The following DNM2 variants were observed in gnomAD, a reference collection of about 807,000 sequenced individuals.
DNM2 encodes the protein dynamin-2.
In DNM2, 15 loss-of-function variants were observed where a neutral mutation model predicts 99.0. The ratio of observed to expected loss-of-function variants is 0.15; its 90% CI spans 0.10 to 0.23. DNM2 has a LOEUF of 0.23. Among genes scored for constraint, DNM2 ranks in the 10% least tolerant of loss-of-function variants. DNM2 has a pLI of 1.00. For missense variants in DNM2, 742 were observed against 1,189.4 expected, an observed-to-expected ratio of 0.62 and a Z score of 5.53; for synonymous variants, 525 against 481.2, an observed-to-expected ratio of 1.09 and a Z score of -1.19.
chr19:10,759,586 G>T, intron 1 of DNM2, 152 bp from the exon 2 acceptor site: 1 of 880,624 alleles, frequency 1.1e-6, no homozygotes, highest in South Asian at 1.3e-5. Context: ...GACCCTCCAA[G>T]ACCAGAGCAT....
chr19:10,740,984 C>T (rs1227903244), intron 1 of DNM2, among the ~76,000 whole-genome samples: 2 of 152,154 alleles, frequency 1.3e-5, no homozygotes, highest in South Asian at 4.1e-4. Context: ...TGTTTTATGG[C>T]TTGGCCTCGA....
intron 1 of DNM2, among the ~76,000 whole-genome samples, chr19:10,746,043 C>G (rs1202984189): frequency 6.6e-6 from 1 of 152,232 alleles, no homozygotes; most frequent in Non-Finnish European, 1.5e-5. Context: ...ACTGCAACCT[C>G]TGCCTCCCAG....
Position 10,783,131 on chromosome 19 carries a change from G to T in DNM2, c.849+11G>T. The T allele has an allele frequency of 1.2e-6, 2 of 1,608,688 alleles. No individual in the cohort carries two copies. The highest frequency in any genetic ancestry group is 1.7e-6 in the Non-Finnish European group (2 of 1,180,012). On this transcript the variant is annotated intron_variant, in intron 6 of 20. Transcript: ENST00000389253. Reference sequence around the variant, plus strand: ...AAGACGCTGAATCAGGTACTGCAAGGGTTTGCACGTAGTGTGCAGTGGCAT... The same window carrying T: ...AAGACGCTGAATCAGGTACTGCAAGTGTTTGCACGTAGTGTGCAGTGGCAT...
chr19:10,756,772 G>A (rs4804524), intron 1 of DNM2, among the ~76,000 whole-genome samples: 98,475 of 151,682 alleles, frequency 0.65, 32,487 homozygotes, highest in African/African-American at 0.75. Context: ...TTCTCTATCC[G>A]GCCTGCCCTC....
In DNM2 at chr19:10,795,246, T is replaced by TAAA. The variant is rs1685880887; in HGVS notation, c.1129-126_1129-125insAAA. ...AGTTTTCAATTTTTTAAATAAAATT[T>TAAA]TGACGAGTTAAATATTCTGCCTTGT... is the stretch of plus-strand genomic sequence containing the variant. On this transcript the variant is annotated intron_variant, in intron 8 of 20. Transcript: ENST00000389253. The surrounding 1 kb of genome is among the most constrained non-coding windows in gnomAD (Gnocchi z 4.2). 10 of 893,708 alleles carry TAAA rather than the reference T, an allele frequency of 1.1e-5. No individual in the cohort carries two copies. In the Admixed American group the frequency reaches 1.7e-4, roughly 15 times the overall value. 55.4% of individuals were successfully genotyped at this position (893,708 alleles called of 1,614,324 possible).
At chr19:10,731,425 T>A (rs1200499661) in intron 1 of DNM2, among the ~76,000 whole-genome samples, 1 of 150,492 alleles carries the variant, frequency 6.6e-6, no homozygotes, top group Non-Finnish European at 1.5e-5. Flanking sequence ...TGATCTCAGC[T>A]CACTGCAACC....
rs566939521 is a variant in DNM2 at position 10,828,925 on chromosome 19, A to G, written c.2059-111A>G. On this transcript the variant is annotated intron_variant, in intron 18 of 20. Coordinates refer to ENST00000389253, the MANE Select transcript of DNM2 (RefSeq NM_001005361.3). ...GGGTGACAGAGCAAGACTCTTTTTCAAAAAAGTCTGGGGGTGGCCCCGCCC... is the reference window on the plus strand; with the variant it reads ...GGGTGACAGAGCAAGACTCTTTTTCGAAAAAGTCTGGGGGTGGCCCCGCCC... The G allele has an allele frequency of 2.0e-5, 24 of 1,178,980 alleles. No homozygotes were observed. In the South Asian group the frequency reaches 3.2e-4, roughly 16 times the overall value. The allele number at this position is 1,178,980 out of a possible 1,614,324, so 73.0% of individuals were successfully genotyped here.
chr19:10,797,627 C>T (rs1599573230), intron 10 of DNM2, 109 bp downstream of exon 10: 4 of 1,539,360 alleles, frequency 2.6e-6, no homozygotes, highest in Admixed American at 3.4e-5. Flanking sequence ...CCCCCTTCCG[C>T]CTACCAGTTG....
In DNM2 at chr19:10,793,673, G is replaced by A. The variant is rs745731246; in HGVS notation, c.993-47G>A. The A allele has an allele frequency of 4.3e-6, 7 of 1,614,052 alleles. No homozygotes were observed. The South Asian group carries it at 5.5e-5, about 13-fold the overall frequency. ...TGACTTGGAACATCATTCCAGAGTA[G>A]TGTGGAAACCTCCGTTTTGATGCTT... On this transcript the variant is annotated intron_variant, in intron 7 of 20. Transcript: ENST00000389253.
intron 1 of DNM2, among the ~76,000 whole-genome samples, chr19:10,728,936 C>A (rs1384975228): frequency 2.0e-5 from 3 of 147,920 alleles, no homozygotes; most frequent in Non-Finnish European, 3.0e-5. Flanking sequence ...GACAGCAAGA[C>A]CCGGTCTCAA....
At chr19:10,787,442 G>T (rs1251465851) in intron 7 of DNM2, among the ~76,000 whole-genome samples, 2 of 150,992 alleles carry the variant, frequency 1.3e-5, no homozygotes, top group African/African-American at 4.9e-5. Flanking sequence ...CTTCACTCCA[G>T]CCTGGGCATC....
Position 10,817,325 on chromosome 19 carries a change from T to G in DNM2, c.1672-2655T>G. On this transcript the variant is annotated intron_variant, in intron 15 of 20. Transcript: ENST00000389253. The surrounding 1 kb of genome is among the most constrained non-coding windows in gnomAD (Gnocchi z 4.6). ...CCCACCCAGGCCCTCGAATCTTCTA[T>G]GCGAGGCTCTGCCACAGTGGGAAAC... is the stretch of plus-strand genomic sequence containing the variant. The G allele has an allele frequency of 2.3e-6, 1 of 441,134 alleles. No individual in the cohort carries two copies. The highest frequency in any genetic ancestry group is 4.6e-6 in the Non-Finnish European group (1 of 216,830). The allele number at this position is 441,134 out of a possible 1,614,324, so 27.3% of individuals were successfully genotyped here.
chr19:10,819,515 T>C (rs1302526711), intron 15 of DNM2, among the ~76,000 whole-genome samples: 1 of 152,224 alleles, frequency 6.6e-6, no homozygotes, highest in Non-Finnish European at 1.5e-5. Context: ...GTCAGCCACA[T>C]GTCAGCAGTG....
chr19:10,775,811 G>A lies in DNM2; in HGVS notation c.494G>A (p.Ser165Asn), dbSNP rs1599529964. ...QIKDMILQFI[S>N]RESSLILAVT... is the part of the protein sequence containing the mutation. ...AAGGACATGATCCTGCAGTTCATCA[G>A]CCGGGAGAGCAGCCTCATTCTGGCT... is the stretch of plus-strand genomic sequence containing the variant. Residue 165 changes from serine (S) to asparagine (N), a missense_variant, in exon 4 of 21, where the codon AGC becomes AAC. By Grantham distance (46) the Ser-to-Asn change is conservative. Coordinates refer to ENST00000389253, the MANE Select transcript of DNM2 (RefSeq NM_001005361.3). This position sits in a 1 kb window ranked among gnomAD's most constrained non-coding sequence, Gnocchi z 4.3. 6.2e-7 allele frequency: 1 copy of A among 1,614,032 alleles called. No individual in the cohort carries two copies. The highest frequency in any genetic ancestry group is 8.5e-7 in the Non-Finnish European group (1 of 1,180,054).
intron 7 of DNM2, among the ~76,000 whole-genome samples, chr19:10,787,094 G>T (rs1053003939): frequency 2.0e-5 from 3 of 152,172 alleles, no homozygotes; most frequent in African/African-American, 7.2e-5. Flanking sequence ...AGCACTTTGG[G>T]AGGCCAAGGT....
intron 3 of DNM2, among the ~76,000 whole-genome samples, chr19:10,773,855 G>A (rs188780134): frequency 3.3e-5 from 5 of 151,884 alleles, no homozygotes; most frequent in Admixed American, 1.3e-4. Context: ...TCAGGTGATC[G>A]CCTGCATCCC....
At chr19:10,718,674 G>T (rs1255176736) in intron 1 of DNM2, 4 of 320,618 alleles carry the variant, frequency 1.2e-5, no homozygotes, top group Non-Finnish European at 2.2e-5. Context: ...GGTCCATCTG[G>T]TCCCAGCTTT....
At position 10,735,354 on chromosome 19, in the gene DNM2, A is replaced by G. The variant is rs191056543; in HGVS notation, c.161+16951A>G. ...CGTCCAGCCATCTTCTGTGAATCTT[A>G]TCAGGAGTATAGGATACCAACAAGA... On this transcript the variant is annotated intron_variant, in intron 1 of 20. Coordinates refer to ENST00000389253, the MANE Select transcript of DNM2 (RefSeq NM_001005361.3). Among the ~76,000 whole-genome samples, 2 of 152,198 alleles carry G rather than the reference A, an allele frequency of 1.3e-5. 1 individual carries two copies. Among genetic ancestry groups the G allele is most frequent in the Admixed American group, 1.3e-4 (2 of 15,268 alleles).
At position 10,796,213 on chromosome 19, in the gene DNM2, G is replaced by A. The variant is rs1466821447; in HGVS notation, c.1196+774G>A. The A allele has an allele frequency of 6.2e-6, 10 of 1,613,734 alleles. No homozygotes were observed. Among genetic ancestry groups the A allele is most frequent in the African/African-American group, 1.3e-5 (1 of 74,888 alleles). ...TGTACCAGTAAGGTATTGCTCCCTC[G>A]GCAGGGTGACTCCTGACCTTGTGGA... On this transcript the variant is annotated intron_variant, in intron 9 of 20. Transcript: ENST00000389253. This position sits in a 1 kb window ranked among gnomAD's most constrained non-coding sequence, Gnocchi z 5.6.
Sources: allele counts gnomAD v4.1 joint callset (sites outside exome capture counted in the v4.1 genomes callset), GRCh38; gene constraint gnomAD v4.1.1; non-coding constraint Gnocchi (gnomAD v3.1); transcripts MANE v1.5; gene names NCBI Gene and HGNC (gene_info 2026-07-23, HGNC 2026-07-21).